The following CDH4 variants were observed in gnomAD, a reference collection of about 807,000 sequenced individuals.
CDH4 encodes the protein cadherin-4.
CDH4 carries 33 observed loss-of-function variants against 86.0 expected under a neutral mutation model. That is an observed-to-expected ratio of 0.38 (90% CI 0.29 to 0.51). The LOEUF (loss-of-function observed/expected upper bound fraction) is 0.51, where lower values mean the gene tolerates loss of function less well. Ranked by LOEUF, CDH4 falls within the 20% of genes least tolerant of loss-of-function variation. The pLI is 0.86. For missense variants in CDH4, 1,114 were observed against 1,307.4 expected, an observed-to-expected ratio of 0.85 and a Z score of 2.28; for synonymous variants, 555 against 549.4, an observed-to-expected ratio of 1.01 and a Z score of -0.14.
At chr20:61,641,047 T>C (rs1186067815) in intron 2 of CDH4, among the ~76,000 whole-genome samples, 1 of 151,740 alleles carries the variant, frequency 6.6e-6, no homozygotes, top group Non-Finnish European at 1.5e-5. Flanking sequence ...CCCAGGTGGG[T>C]CCCTGGGACG....
At chr20:61,880,765 G>A (rs558283550) in intron 7 of CDH4, among the ~76,000 whole-genome samples, 8 of 152,358 alleles carry the variant, frequency 5.3e-5, no homozygotes, top group African/African-American at 1.7e-4. Context: ...TCCCAGGCAC[G>A]CTGGGCAGTG....
intron 3 of CDH4, among the ~76,000 whole-genome samples, chr20:61,770,476 A>T (rs2088760843): frequency 6.6e-6 from 1 of 152,266 alleles, no homozygotes; most frequent in Non-Finnish European, 1.5e-5. Context: ...ATGCCATGCC[A>T]TGTGGGCACC....
chr20:61,747,179 C>T (rs753740498), intron 3 of CDH4, among the ~76,000 whole-genome samples: 16 of 152,150 alleles, frequency 1.1e-4, no homozygotes, highest in Non-Finnish European at 2.1e-4. Flanking sequence ...CGGTGGCTCA[C>T]GCCTGTAATC....
At chr20:61,675,722 A>AG (rs201152939) in intron 2 of CDH4, among the ~76,000 whole-genome samples, 7 of 98,268 alleles carry the variant, frequency 7.1e-5, no homozygotes, top group Admixed American at 2.0e-4. Flanking sequence ...CAACCATCGT[A>AG]GGGCTGAGGC....
intron 2 of CDH4, among the ~76,000 whole-genome samples, chr20:61,565,137 C>G (rs2086261441): frequency 1.2e-5 from 1 of 83,636 alleles, no homozygotes; most frequent in African/African-American, 5.0e-5. Context: ...GGTGCTGGTC[C>G]TCTTGGTGTT....
chr20:61,732,459 TC>T (rs1017674568), intron 2 of CDH4, among the ~76,000 whole-genome samples: 1 of 152,104 alleles, frequency 6.6e-6, no homozygotes, highest in African/African-American at 2.4e-5. Flanking sequence ...CTCGCTCCCT[TC>T]CTGCCCCCCA....
intron 9 of CDH4, among the ~76,000 whole-genome samples, chr20:61,916,495 T>C (rs577387334): frequency 3.8e-4 from 58 of 152,370 alleles, no homozygotes; most frequent in Non-Finnish European, 7.5e-4. Context: ...GAATCAATGG[T>C]ATTAGCTGCT....
chr20:61,420,899 G>A (rs117403834), intron 2 of CDH4, among the ~76,000 whole-genome samples: 6 of 152,320 alleles, frequency 3.9e-5, no homozygotes, highest in East Asian at 3.9e-4. Flanking sequence ...CATGTCCCAC[G>A]GGGGACGATA....
intron 2 of CDH4, among the ~76,000 whole-genome samples, chr20:61,638,641 G>C (rs1267520269): frequency 6.6e-6 from 1 of 152,110 alleles, no homozygotes; most frequent in Non-Finnish European, 1.5e-5. Context: ...CATTCAATTT[G>C]AGGCACAATG....
intron 2 of CDH4, among the ~76,000 whole-genome samples, chr20:61,444,575 G>A (rs1394372190): frequency 6.6e-6 from 1 of 151,792 alleles, no homozygotes; most frequent in Non-Finnish European, 1.5e-5. Context: ...GTACATCTGT[G>A]TCTGTGTGTA....
At chr20:61,279,742 G>A (rs1233014551) in intron 2 of CDH4, among the ~76,000 whole-genome samples, 2 of 152,178 alleles carry the variant, frequency 1.3e-5, no homozygotes, top group African/African-American at 4.8e-5. Context: ...ACCTCGATGT[G>A]CAAGTTCCTT....
intron 2 of CDH4, among the ~76,000 whole-genome samples, chr20:61,602,215 G>A (rs538201353): frequency 3.3e-4 from 51 of 152,268 alleles, no homozygotes; most frequent in African/African-American, 1.2e-3. Context: ...CAGCACCCTC[G>A]CTGACACCCC....
chr20:61,558,072 C>G (rs548022787), intron 2 of CDH4, among the ~76,000 whole-genome samples: 4 of 152,256 alleles, frequency 2.6e-5, no homozygotes, highest in East Asian at 3.9e-4. Context: ...TTTAGGCTGA[C>G]TCACTTTCAT....
At chr20:61,561,038 C>T (rs2086213333) in intron 2 of CDH4, among the ~76,000 whole-genome samples, 1 of 152,198 alleles carries the variant, frequency 6.6e-6, no homozygotes, top group Admixed American at 6.5e-5. Context: ...GGGCCCAGGT[C>T]CCCACCCACA....
intron 2 of CDH4, among the ~76,000 whole-genome samples, chr20:61,332,847 G>A (rs2084590836): frequency 6.6e-6 from 1 of 152,226 alleles, no homozygotes; most frequent in Non-Finnish European, 1.5e-5. Context: ...GATGGTCCAG[G>A]CTATTTCGGG....
At chr20:61,444,388 T>A in intron 2 of CDH4, among the ~76,000 whole-genome samples, 1 of 150,508 alleles carries the variant, frequency 6.6e-6, no homozygotes, top group South Asian at 2.1e-4. Flanking sequence ...TGTCTATGTG[T>A]GTCTGTGTGT....
intron 2 of CDH4, among the ~76,000 whole-genome samples, chr20:61,652,106 T>C (rs1386993593): frequency 1.3e-5 from 2 of 152,208 alleles, no homozygotes; most frequent in Non-Finnish European, 2.9e-5. Context: ...CCAGGTGCCG[T>C]GGGGTCTGTG....
At chr20:61,521,722 G>A (rs2085870405) in intron 2 of CDH4, among the ~76,000 whole-genome samples, 1 of 152,176 alleles carries the variant, frequency 6.6e-6, no homozygotes, top group South Asian at 2.1e-4. Context: ...AGAGGGGGGT[G>A]GGTGTGGGCC....
intron 2 of CDH4, among the ~76,000 whole-genome samples, chr20:61,525,725 C>G (rs938516942): frequency 2.0e-5 from 3 of 152,190 alleles, no homozygotes; most frequent in Non-Finnish European, 4.4e-5. Flanking sequence ...ACTCAGAACT[C>G]CCAGGGATTC....
Sources: allele counts gnomAD v4.1 joint callset (sites outside exome capture counted in the v4.1 genomes callset), GRCh38; gene constraint gnomAD v4.1.1; transcripts MANE v1.5; gene names NCBI Gene and HGNC (gene_info 2026-07-23, HGNC 2026-07-21).